Variants in GREB1 observed in about 807,000 individuals in gnomAD.
GREB1 encodes the protein protein GREB1.
In GREB1, 106 loss-of-function variants were observed where a neutral mutation model predicts 200.7. The observed-to-expected ratio is 0.53, with a 90% confidence interval of 0.45 to 0.62. The LOEUF is 0.62. GREB1 is among the 20% of genes least tolerant of loss of function. GREB1 has a pLI of 0.00. For synonymous variants in GREB1, 1,132 were observed against 1,092.4 expected, an observed-to-expected ratio of 1.04 and a Z score of -0.72; for missense variants, 2,243 against 2,556.8, an observed-to-expected ratio of 0.88 and a Z score of 2.65.
intron 1 of GREB1, among the ~76,000 whole-genome samples, chr2:11,519,403 A>C (rs1673626406): frequency 6.8e-6 from 1 of 146,708 alleles, no homozygotes; most frequent in African/African-American, 2.5e-5. Context: ...ATTATCCTGT[A>C]ATTTCCTGGT....
intron 1 of GREB1, among the ~76,000 whole-genome samples, chr2:11,538,945 T>C: frequency 8.6e-5 from 1 of 11,572 alleles, no homozygotes; most frequent in African/African-American, 1.5e-4. Context: ...TCCCCTCCCC[T>C]CGTGTCCCCT....
intron 6 of GREB1, among the ~76,000 whole-genome samples, chr2:11,578,672 T>TA (rs1446752996): frequency 6.6e-6 from 1 of 152,182 alleles, no homozygotes; most frequent in African/African-American, 2.4e-5. Flanking sequence ...GGTGGGGACA[T>TA]ATGCAGGATC....
At chr2:11,587,851 G>GCAT in intron 9 of GREB1, 1 of 1,020,264 alleles carries the variant, frequency 9.8e-7, no homozygotes, top group African/African-American at 1.7e-5. Context: ...TTCTTGCTTA[G>GCAT]CATCATGTAG....
chr2:11,574,993 C>T (rs577954150), intron 4 of GREB1, among the ~76,000 whole-genome samples: 2 of 152,322 alleles, frequency 1.3e-5, no homozygotes, highest in East Asian at 3.9e-4. Flanking sequence ...TAGATGTGCT[C>T]AAAGTAGATC....
chr2:11,620,984 A>C lies in GREB1; in HGVS notation c.4124A>C (p.Tyr1375Ser), dbSNP rs1171152270. Reference protein sequence around the residue: ...MLVRLTEVDVYDEEEININLR... With the variant: ...MLVRLTEVDVSDEEEININLR... ...GTTCGGCTCACAGAAGTGGATGTCT[A>C]TGACGAGGAGGAGATCAATATCAGT... Residue 1375 changes from tyrosine (Y) to serine (S), a missense_variant, in exon 23 of 33, where the codon TAT becomes TCT. Tyr to Ser is a moderately radical substitution (Grantham distance 144). Transcript: ENST00000381486. The C allele has an allele frequency of 6.2e-7, 1 of 1,608,460 alleles. No individual in the cohort carries two copies.
At chr2:11,483,275 TGTGA>T (rs1672555751) in intron 1 of GREB1, among the ~76,000 whole-genome samples, 3 of 142,176 alleles carry the variant, frequency 2.1e-5, no homozygotes, top group South Asian at 4.4e-4. Flanking sequence ...TGTGTGCGTG[TGTGA>T]GTGCGCGTGT....
chr2:11,574,511 T>C (rs1678643702), intron 4 of GREB1, among the ~76,000 whole-genome samples: 1 of 151,874 alleles, frequency 6.6e-6, no homozygotes. Context: ...GCGGGCTGGG[T>C]TGAAAGGCAG....
intron 16 of GREB1, 33 bp downstream of exon 16, chr2:11,601,028 A>G (rs1681736175): frequency 6.4e-7 from 1 of 1,560,866 alleles, no homozygotes; most frequent in Non-Finnish European, 8.8e-7. Flanking sequence ...GCCCTTGTGT[A>G]GCAATATCAC....
chr2:11,485,275 ATTT>A lies in GREB1; in HGVS notation c.-159+2907_-159+2909del, dbSNP rs56041700. ...TATTTTATTTTATATATATATATGT[ATTT>A]TTTTTTTTTTTTGAGACAGAGTCTT... On this transcript the variant is annotated intron_variant, in intron 1 of 2. Coordinates refer to the GREB1 transcript ENST00000628795. Among the ~76,000 whole-genome samples, 765 of 133,748 alleles carry A rather than the reference ATTT, an allele frequency of 5.7e-3. 6 individuals carry two copies. Among genetic ancestry groups the A allele is most frequent in the African/African-American group, 0.014 (505 of 36,120 alleles). 87.7% of individuals were successfully genotyped at this position (133,748 alleles called of 152,430 possible). A position where few individuals can be genotyped will look rare whatever the true frequency, so the allele number is the denominator to read the frequency against.
intron 2 of GREB1, among the ~76,000 whole-genome samples, chr2:11,560,040 A>C (rs1676840771): frequency 6.6e-6 from 1 of 152,168 alleles, no homozygotes; most frequent in Admixed American, 6.5e-5. Flanking sequence ...CCATGTTTCC[A>C]GTATGCTCTA....
chr2:11,616,008 G>A (rs149762163), intron 20 of GREB1, among the ~76,000 whole-genome samples: 9 of 152,322 alleles, frequency 5.9e-5, no homozygotes, highest in Non-Finnish European at 1.2e-4. Flanking sequence ...AGGCCTGCCC[G>A]CCTGTAGCCA....
At chr2:11,535,160 G>A (rs564804791) in intron 1 of GREB1, among the ~76,000 whole-genome samples, 1 of 152,258 alleles carries the variant, frequency 6.6e-6, no homozygotes, top group South Asian at 2.1e-4. Context: ...AAGACCCCTG[G>A]TCCCAGCGCT....
chr2:11,567,445 C>T (rs934231229), intron 4 of GREB1, among the ~76,000 whole-genome samples: 10 of 152,136 alleles, frequency 6.6e-5, no homozygotes, highest in Non-Finnish European at 1.2e-4. Flanking sequence ...CTTTATTACC[C>T]CAGTTTTATA....
Position 11,585,762 on chromosome 2 carries a change from A to G in GREB1, c.1016A>G (p.Glu339Gly), listed in dbSNP as rs757349804. The stretch of plus-strand genomic sequence containing the variant: ...CACTAATATTCTTGGGTGTTCCTAG[A>G]GAGCGCAGGCATGTCCTGCGTGCCG... ...PQGGGNRAKY[E>G]SAGMSCVPQV... The change falls in exon 9 of 33, where the codon GAG becomes GGG. Residue 339 changes from glutamate to glycine, a missense_variant and splice_region_variant. Glu to Gly is a moderately conservative substitution (Grantham distance 98, BLOSUM62 -2). Transcript: ENST00000381486. 20 of 1,612,910 alleles carry G rather than the reference A, an allele frequency of 1.2e-5. No individual in the cohort carries two copies. The highest frequency in any genetic ancestry group is 4.0e-4 in the Middle Eastern group (2 of 4,962).
chr2:11,623,596 G>T (rs1684183058), intron 23 of GREB1, among the ~76,000 whole-genome samples: 1 of 152,114 alleles, frequency 6.6e-6, no homozygotes, highest in African/African-American at 2.4e-5. Flanking sequence ...TTAACAAAAA[G>T]TTTTAAAAGT....
At chr2:11,526,556 C>CT (rs369267814) in intron 1 of GREB1, among the ~76,000 whole-genome samples, 1,810 of 138,260 alleles carry the variant, frequency 0.013, 12 homozygotes, top group Non-Finnish European at 0.02. Flanking sequence ...ACTTTAAATC[C>CT]TTTTTTTTTT....
At chr2:11,607,440 G>A (rs1427952774) in intron 17 of GREB1, among the ~76,000 whole-genome samples, 3 of 102,810 alleles carry the variant, frequency 2.9e-5, no homozygotes, top group East Asian at 2.8e-4. Flanking sequence ...GTGTGTGTGT[G>A]TGTGTGTGTG....
chr2:11,502,243 C>A (rs1673069260), intron 1 of GREB1, among the ~76,000 whole-genome samples: 1 of 132,034 alleles, frequency 7.6e-6, no homozygotes, highest in African/African-American at 2.9e-5. Context: ...TTTCCTGAGA[C>A]AGGGTCTCAG....
At chr2:11,612,703 C>T (rs374446036) in intron 19 of GREB1, 93 bp downstream of exon 19, 201 of 756,430 alleles carry the variant, frequency 2.7e-4, no homozygotes, top group East Asian at 8.2e-4. Flanking sequence ...TGTGCCCTGA[C>T]GGTAGGCAGC....
Sources: gnomAD v4.1 joint callset for allele counts (sites outside exome capture counted in the v4.1 genomes callset) on GRCh38, gnomAD v4.1.1 for gene constraint, MANE v1.5 for transcripts, NCBI Gene and HGNC (gene_info 2026-07-23, HGNC 2026-07-21) for gene names.